The following ORC5 variants were observed in gnomAD, a reference collection of about 807,000 sequenced individuals.
The protein encoded by ORC5 is protein phosphatase 1, regulatory subunit 117.
ORC5 carries 39 observed loss-of-function variants against 58.8 expected under a neutral mutation model. The observed-to-expected ratio is 0.66, with a 90% confidence interval of 0.51 to 0.87. The LOEUF is 0.87. ORC5 is among the 40% of genes least tolerant of loss of function. The pLI is 0.00. For missense variants in ORC5, 493 were observed against 506.3 expected (o/e 0.97, Z 0.25); for synonymous variants, 218 against 177.6 (o/e 1.23, Z -1.81).
intron 8 of ORC5, among the ~76,000 whole-genome samples, chr7:104,170,694 C>T (rs557906003): frequency 9.9e-5 from 15 of 152,266 alleles, no homozygotes; most frequent in Admixed American, 2.0e-4. Context: ...TATACTAGTA[C>T]AGTTTCAGAA....
intron 6 of ORC5, among the ~76,000 whole-genome samples, chr7:104,186,659 A>G (rs1317211668): frequency 6.6e-6 from 1 of 152,158 alleles, no homozygotes; most frequent in Non-Finnish European, 1.5e-5. Context: ...GATTTAATAA[A>G]CTTTCAAGAA....
At chr7:104,196,076 T>C (rs1287130979) in intron 4 of ORC5, among the ~76,000 whole-genome samples, 1 of 152,232 alleles carries the variant, frequency 6.6e-6, no homozygotes, top group East Asian at 1.9e-4. Context: ...AATTCTCTTT[T>C]CCAGTTCAGC....
intron 6 of ORC5, chr7:104,184,450 C>T: frequency 3.0e-6 from 1 of 332,842 alleles, no homozygotes; most frequent in Non-Finnish European, 5.4e-6. Context: ...CATGGCAAGA[C>T]CCTGCTTCTT....
At chr7:104,192,262 G>C (rs762846925) in intron 5 of ORC5, among the ~76,000 whole-genome samples, 5 of 152,132 alleles carry the variant, frequency 3.3e-5, no homozygotes, top group African/African-American at 4.8e-5. Flanking sequence ...TCAAGTCTTA[G>C]CTTAATACCA....
At chr7:104,127,105 G>C (rs1312314956) in intron 13 of ORC5, among the ~76,000 whole-genome samples, 1 of 147,808 alleles carries the variant, frequency 6.8e-6, no homozygotes, top group Non-Finnish European at 1.5e-5. Context: ...CATGCACGAA[G>C]TTTGCCTTTC....
intron 8 of ORC5, among the ~76,000 whole-genome samples, chr7:104,176,438 C>T (rs535508856): frequency 4.6e-5 from 7 of 152,240 alleles, no homozygotes; most frequent in African/African-American, 1.2e-4. Context: ...TGATTTCTTT[C>T]GGTGTCTGCT....
chr7:104,162,402 T>G (rs1189635596), intron 11 of ORC5, among the ~76,000 whole-genome samples: 1 of 152,130 alleles, frequency 6.6e-6, no homozygotes, highest in Non-Finnish European at 1.5e-5. Context: ...CCTGAAGTAA[T>G]CTGCCCACCT....
intron 8 of ORC5, among the ~76,000 whole-genome samples, chr7:104,177,381 A>G (rs1017152848): frequency 3.9e-5 from 6 of 152,176 alleles, no homozygotes; most frequent in African/African-American, 1.2e-4. Flanking sequence ...GGTTATAAAC[A>G]TATTTATAAA....
intron 12 of ORC5, among the ~76,000 whole-genome samples, chr7:104,154,710 T>G (rs962026904): frequency 6.6e-6 from 1 of 151,926 alleles, no homozygotes. Flanking sequence ...AAATAAACAC[T>G]GACTTTGAAC....
chr7:104,174,051 A>T (rs1232940458), intron 8 of ORC5, among the ~76,000 whole-genome samples: 1 of 151,366 alleles, frequency 6.6e-6, no homozygotes, highest in Non-Finnish European at 1.5e-5. Context: ...TCACCGTTTT[A>T]GCCGGGATGG....
intron 1 of ORC5, among the ~76,000 whole-genome samples, 188 bp from the exon 2 acceptor site, chr7:104,204,422 T>G (rs754004706): frequency 2.6e-5 from 4 of 152,234 alleles, no homozygotes; most frequent in South Asian, 2.1e-4. Flanking sequence ...TTCTTTGTTA[T>G]GAAATTAAAA....
chr7:104,157,286 CT>C (rs1164583003), intron 12 of ORC5, among the ~76,000 whole-genome samples: 1 of 151,888 alleles, frequency 6.6e-6, no homozygotes, highest in African/African-American at 2.4e-5. Context: ...AGATCAACTC[CT>C]TAGAACTAGT....
chr7:104,192,455 A>T (rs1032683859), intron 5 of ORC5, among the ~76,000 whole-genome samples: 2 of 152,162 alleles, frequency 1.3e-5, no homozygotes, highest in Non-Finnish European at 2.9e-5. Context: ...AGATTCCAGA[A>T]AAACTATGTC....
At chr7:104,173,611 C>G (rs939593627) in intron 8 of ORC5, among the ~76,000 whole-genome samples, 6 of 152,198 alleles carry the variant, frequency 3.9e-5, no homozygotes, top group African/African-American at 1.4e-4. Flanking sequence ...CATTCAGGAT[C>G]TCATTAAGGG....
At chr7:104,187,749 T>C (rs1799580075) in intron 6 of ORC5, 1 of 970,502 alleles carries the variant, frequency 1.0e-6, no homozygotes, top group South Asian at 4.8e-5. Flanking sequence ...GAACCATCTA[T>C]ACAAAGATTA....
chr7:104,175,715 T>C (rs1322836347), intron 8 of ORC5, among the ~76,000 whole-genome samples: 1 of 152,178 alleles, frequency 6.6e-6, no homozygotes, highest in East Asian at 1.9e-4. Flanking sequence ...TTGTCTGCCA[T>C]GCAGGGACTA....
intron 12 of ORC5, among the ~76,000 whole-genome samples, chr7:104,155,552 T>C (rs911544422): frequency 5.9e-5 from 9 of 151,438 alleles, no homozygotes; most frequent in Non-Finnish European, 8.9e-5. Flanking sequence ...TATAGTAAAC[T>C]ACTTTCAAAA....
At chr7:104,127,198 C>A (rs745849277) in intron 13 of ORC5, among the ~76,000 whole-genome samples, 4 of 151,804 alleles carry the variant, frequency 2.6e-5, no homozygotes, top group Non-Finnish European at 5.9e-5. Context: ...CATTTGAAAG[C>A]TATTTGCTTT....
chr7:104,183,486 T>C (rs1424791475), intron 8 of ORC5, among the ~76,000 whole-genome samples: 1 of 152,170 alleles, frequency 6.6e-6, no homozygotes, highest in Non-Finnish European at 1.5e-5. Context: ...TCACATGTGT[T>C]AAAAATCCTG....
Sources: allele counts gnomAD v4.1 joint callset (sites outside exome capture counted in the v4.1 genomes callset), GRCh38; gene constraint gnomAD v4.1.1; transcripts MANE v1.5; gene names NCBI Gene and HGNC (gene_info 2026-07-23, HGNC 2026-07-21).